Variants in SSUH2 observed in about 807,000 individuals in gnomAD.
The protein encoded by SSUH2 is ssu-2 homolog.
SSUH2 carries 47 observed loss-of-function variants against 55.3 expected under a neutral mutation model. The ratio of observed to expected loss-of-function variants is 0.85; its 90% CI spans 0.67 to 1.08. The LOEUF (loss-of-function observed/expected upper bound fraction) is 1.08, where lower values mean the gene tolerates loss of function less well. Among genes scored for constraint, SSUH2 ranks in the 50% least tolerant of loss-of-function variants. The pLI, the probability that SSUH2 is intolerant of heterozygous loss-of-function variation, is 0.00. For missense variants in SSUH2, 535 were observed against 490.7 expected, an observed-to-expected ratio of 1.09 and a Z score of -0.85; for synonymous variants, 212 against 191.5, an observed-to-expected ratio of 1.11 and a Z score of -0.89.
chr3:8,650,509 C>T (rs1251154809), intron 7 of SSUH2, among the ~76,000 whole-genome samples: 1 of 152,134 alleles, frequency 6.6e-6, no homozygotes, highest in Non-Finnish European at 1.5e-5. Flanking sequence ...CAGTTTTCTC[C>T]AAAGATAAGC....
chr3:8,668,160 C>G (rs1316979450), intron 5 of SSUH2, among the ~76,000 whole-genome samples: 3 of 152,088 alleles, frequency 2.0e-5, no homozygotes, highest in African/African-American at 7.2e-5. Flanking sequence ...AAAGCTCTTT[C>G]CCTGGGTATT....
At chr3:8,681,056 C>G (rs530475793) in intron 1 of SSUH2, among the ~76,000 whole-genome samples, 1 of 147,372 alleles carries the variant, frequency 6.8e-6, no homozygotes, top group Admixed American at 6.7e-5. Flanking sequence ...CCCTCTTCCC[C>G]CGCTGGCTCT....
intron 7 of SSUH2, 28 bp downstream of exon 7, chr3:8,629,636 A>ACTCACCAGTGGTTCACAGATGC: frequency 6.2e-7 from 1 of 1,612,922 alleles, no homozygotes; most frequent in Non-Finnish European, 8.5e-7. Context: ...ACCCTCACTG[A>ACTCACCAGTGGTTCACAGATGC]CTCACCAGTG....
chr3:8,675,056 A>G (rs1705080830), intron 3 of SSUH2, among the ~76,000 whole-genome samples: 1 of 152,144 alleles, frequency 6.6e-6, no homozygotes, highest in South Asian at 2.1e-4. Context: ...CTTGTTCCCA[A>G]GCCACGGACC....
At chr3:8,679,185 T>C (rs1461585550) in intron 2 of SSUH2, among the ~76,000 whole-genome samples, 1,744 of 62,040 alleles carry the variant, frequency 0.028, 395 homozygotes, top group African/African-American at 0.088. Context: ...TCCCCCACAC[T>C]GGCTCTTGGG....
At position 8,667,303 on chromosome 3, in the gene SSUH2, C is replaced by T. The variant is rs572597209; in HGVS notation, c.-454-3501G>A. 3.3e-5 allele frequency among the ~76,000 whole-genome samples: 5 copies of T among 152,312 alleles called. No homozygotes were observed. In the South Asian group the frequency reaches 6.2e-4, roughly 19 times the overall value. ...TAGGTAACTTCTGGACATTGCCATG[C>T]CATTCATAAACTGTCATGGTGCTGG... On this transcript the variant is annotated intron_variant, in intron 5 of 18. Transcript: ENST00000317371.
chr3:8,634,595 C>T (rs1028112700), intron 3 of SSUH2: 5 of 1,289,698 alleles, frequency 3.9e-6, no homozygotes, highest in Non-Finnish European at 5.1e-6. Flanking sequence ...ACAAGAGACA[C>T]TGTGGGCTGG....
chr3:8,635,170 C>A lies in SSUH2; in HGVS notation c.209+130G>T, dbSNP rs564434799. The A allele has an allele frequency of 4.4e-6, 3 of 681,194 alleles. No individual in the cohort carries two copies. In the South Asian group the frequency reaches 6.2e-5, roughly 14 times the overall value. 42.2% of individuals were successfully genotyped at this position (681,194 alleles called of 1,614,324 possible). A position where few individuals can be genotyped will look rare whatever the true frequency, so the allele number is the denominator to read the frequency against. Reference sequence around the variant, plus strand: ...TCCCTAAGCCCCATCCCTGGAGGATCTGGTGCAGTAGGTCTGGGGTGCAGA... The same window carrying A: ...TCCCTAAGCCCCATCCCTGGAGGATATGGTGCAGTAGGTCTGGGGTGCAGA... On this transcript the variant is annotated intron_variant, in intron 3 of 11. Transcript: ENST00000544814.
chr3:8,666,715 A>G (rs1238659532), intron 5 of SSUH2, among the ~76,000 whole-genome samples: 1 of 152,134 alleles, frequency 6.6e-6, no homozygotes, highest in African/African-American at 2.4e-5. Context: ...AACACGATTT[A>G]CCCGGGCATA....
chr3:8,631,941 A>G, intron 5 of SSUH2, 108 bp downstream of exon 5: 2 of 859,304 alleles, frequency 2.3e-6, no homozygotes, highest in Non-Finnish European at 3.9e-6. Context: ...GGCTCCAAGC[A>G]GAAGACCATC....
rs76001265 is a variant in SSUH2, at chr3:8,634,805, A to G, written c.209+495T>C. Among the ~76,000 whole-genome samples the G allele has an allele frequency of 1.8e-4, 27 of 152,102 alleles. No homozygotes were observed. In the East Asian group the frequency reaches 2.5e-3, roughly 14 times the overall value. ...TCTCTCCGCACAAAGCTGGCTGGAA[A>G]CCCTGAGCTCGGCCCTGAGTCCTCT... On this transcript the variant is annotated intron_variant, in intron 3 of 11. Transcript: ENST00000544814.
At chr3:8,647,898 C>T (rs755520567), upstream of SSUH2, among the ~76,000 whole-genome samples, 2 of 152,180 alleles carry the variant, frequency 1.3e-5, no homozygotes, top group African/African-American at 2.4e-5. Flanking sequence ...TGGCAGGAAT[C>T]AAGTATGGAG....
exon 5 of SSUH2, chr3:8,671,123 C>T (rs755410500): frequency 4.6e-5 from 11 of 241,614 alleles, no homozygotes; most frequent in Non-Finnish European, 1.0e-4. Context: ...GCAGGGTCTA[C>T]ACGTCCTGTG....
chr3:8,678,349 T>C (rs1028182146), intron 2 of SSUH2, among the ~76,000 whole-genome samples: 8 of 152,128 alleles, frequency 5.3e-5, no homozygotes, highest in East Asian at 1.9e-4. Flanking sequence ...GTCATATCTG[T>C]CTATTATGGG....
intron 7 of SSUH2, among the ~76,000 whole-genome samples, chr3:8,656,302 G>C (rs1329528798): frequency 1.3e-5 from 2 of 152,222 alleles, no homozygotes; most frequent in African/African-American, 4.8e-5. Context: ...AAGGAACAAA[G>C]GTTTGGTCCA....
chr3:8,639,319 C>T (rs977451354), intron 1 of SSUH2, among the ~76,000 whole-genome samples: 22 of 152,322 alleles, frequency 1.4e-4, no homozygotes, highest in African/African-American at 5.1e-4. Flanking sequence ...ACATTGTAGG[C>T]ATGATCTCCT....
chr3:8,636,522 G>A (rs9867430), intron 1 of SSUH2, among the ~76,000 whole-genome samples: 54 of 152,184 alleles, frequency 3.5e-4, no homozygotes, highest in African/African-American at 1.2e-3. Context: ...ATAAAATCAT[G>A]AGACATAAAA....
intron 5 of SSUH2, among the ~76,000 whole-genome samples, chr3:8,668,816 G>GA (rs972565161): frequency 4.0e-5 from 6 of 151,472 alleles, no homozygotes; most frequent in Non-Finnish European, 8.8e-5. Context: ...CTTTGTGATC[G>GA]AAAAAAAAGA....
chr3:8,646,869 C>A (rs999259683), upstream of SSUH2, among the ~76,000 whole-genome samples: 1 of 152,224 alleles, frequency 6.6e-6, no homozygotes, highest in African/African-American at 2.4e-5. Flanking sequence ...CATTCTTCCT[C>A]CCTGCTGTTG....
Sources: allele counts gnomAD v4.1 joint callset (sites outside exome capture counted in the v4.1 genomes callset), GRCh38; gene constraint gnomAD v4.1.1; transcripts MANE v1.5; gene names NCBI Gene and HGNC (gene_info 2026-07-23, HGNC 2026-07-21).